TENM3: variants seen among roughly 807,000 people sequenced by gnomAD.
TENM3 encodes the protein teneurin-3.
In TENM3, 63 loss-of-function variants were observed where a neutral mutation model predicts 255.1. The observed-to-expected ratio is 0.25, with a 90% CI of 0.20 to 0.30. The LOEUF (loss-of-function observed/expected upper bound fraction) is 0.30. Ranked by LOEUF, TENM3 falls within the 10% of genes least tolerant of loss-of-function variation. The pLI, the probability that TENM3 is intolerant of heterozygous loss-of-function variation, is 1.00. For missense variants in TENM3, 2,929 were observed against 3,461.1 expected (o/e 0.85, Z 3.86); for synonymous variants, 1,306 against 1,322.3 (o/e 0.99, Z 0.27).
chr4:182,332,214 A>C (rs1048392790), intron 2 of TENM3, among the ~76,000 whole-genome samples: 3 of 152,174 alleles, frequency 2.0e-5, no homozygotes, highest in Non-Finnish European at 4.4e-5. Flanking sequence ...AAAAAGATAA[A>C]TGAAGAAAAG....
At chr4:181,840,317 G>A in the TENM3 span, among the ~76,000 whole-genome samples, 1 of 151,964 alleles carries the variant, frequency 6.6e-6, no homozygotes, top group South Asian at 2.1e-4. Flanking sequence ...TTTAATAAGC[G>A]AACATTTTAT....
intron 1 of TENM3, among the ~76,000 whole-genome samples, chr4:182,153,361 T>G (rs2149588446): frequency 6.6e-6 from 1 of 152,242 alleles, no homozygotes; most frequent in East Asian, 1.9e-4. Flanking sequence ...TGATACATCT[T>G]TAGTCATACA....
intron 1 of TENM3, among the ~76,000 whole-genome samples, chr4:182,159,989 A>G (rs1751002627): frequency 6.6e-6 from 1 of 152,200 alleles, no homozygotes; most frequent in Non-Finnish European, 1.5e-5. Flanking sequence ...ATACAGGGAC[A>G]GCATTCTAAG....
At chr4:182,475,181 C>A (rs1224038787) in intron 3 of TENM3, among the ~76,000 whole-genome samples, 2 of 152,132 alleles carry the variant, frequency 1.3e-5, no homozygotes, top group Non-Finnish European at 2.9e-5. Flanking sequence ...TGGTAGGTTA[C>A]CCCCTGGTTT....
At chr4:181,522,726 TC>T in the TENM3 span, 1 of 693,782 alleles carries the variant, frequency 1.4e-6, no homozygotes, top group African/African-American at 1.7e-5. Context: ...TAAAGGTGAA[TC>T]CTTGTTTCAT....
At chr4:182,239,546 C>G (rs1757109476), upstream of TENM3, among the ~76,000 whole-genome samples, 1 of 152,132 alleles carries the variant, frequency 6.6e-6, no homozygotes, top group Non-Finnish European at 1.5e-5. Flanking sequence ...GCTGCAAAAA[C>G]TTTGACATTG....
chr4:181,773,924 T>C, the TENM3 span, among the ~76,000 whole-genome samples: 1 of 151,994 alleles, frequency 6.6e-6, no homozygotes, highest in Non-Finnish European at 1.5e-5. Flanking sequence ...TTGAGCCTCT[T>C]TTTCAAAATT....
chr4:181,469,552 T>C, the TENM3 span, among the ~76,000 whole-genome samples: 2 of 152,188 alleles, frequency 1.3e-5, no homozygotes, highest in Non-Finnish European at 2.9e-5. Flanking sequence ...CAGTTTTGAA[T>C]GGCATTATAG....
the TENM3 span, among the ~76,000 whole-genome samples, chr4:181,559,370 A>C: frequency 1.3e-5 from 2 of 152,286 alleles, no homozygotes; most frequent in East Asian, 3.9e-4. Context: ...GACCTTTTAA[A>C]TTATGGCTTG....
the TENM3 span, among the ~76,000 whole-genome samples, chr4:181,878,288 G>T: frequency 2.0e-5 from 3 of 151,568 alleles, no homozygotes; most frequent in Non-Finnish European, 2.9e-5. Flanking sequence ...GTATAATTAG[G>T]TTGATAGAAA....
the TENM3 span, among the ~76,000 whole-genome samples, chr4:181,741,800 A>G: frequency 6.6e-6 from 1 of 152,262 alleles, no homozygotes; most frequent in Admixed American, 6.5e-5. Context: ...AGCTCAGTCT[A>G]TTCTGTTTCT....
chr4:182,499,513 C>T (rs139900885), intron 3 of TENM3, among the ~76,000 whole-genome samples: 103 of 152,222 alleles, frequency 6.8e-4, no homozygotes, highest in Non-Finnish European at 1.3e-3. Flanking sequence ...ATGGGTTTGG[C>T]TGGCAGTATA....
At chr4:182,705,782 C>T (rs1758233933) in intron 12 of TENM3, among the ~76,000 whole-genome samples, 1 of 152,198 alleles carries the variant, frequency 6.6e-6, no homozygotes, top group Non-Finnish European at 1.5e-5. Context: ...TCTCGTCCAA[C>T]ATTTGTACAT....
At chr4:181,490,980 G>A in the TENM3 span, among the ~76,000 whole-genome samples, 1 of 152,058 alleles carries the variant, frequency 6.6e-6, no homozygotes, top group African/African-American at 2.4e-5. Context: ...TTTAAAAAAT[G>A]TGTCATGCAA....
chr4:182,567,593 T>C (rs1743918946), intron 3 of TENM3, among the ~76,000 whole-genome samples: 1 of 152,094 alleles, frequency 6.6e-6, no homozygotes, highest in African/African-American at 2.4e-5. Flanking sequence ...TAACTAGGCC[T>C]TTGTACTGTC....
the TENM3 span, among the ~76,000 whole-genome samples, chr4:181,551,255 A>G: frequency 6.6e-6 from 1 of 152,180 alleles, no homozygotes; most frequent in Non-Finnish European, 1.5e-5. Context: ...AAGATCTAAT[A>G]CAAAAAACCT....
chr4:181,681,941 C>T, the TENM3 span, among the ~76,000 whole-genome samples: 1 of 152,120 alleles, frequency 6.6e-6, no homozygotes. Flanking sequence ...GTTCTAATTT[C>T]AGATGATCTC....
At chr4:182,475,602 G>A (rs999108796) in intron 3 of TENM3, among the ~76,000 whole-genome samples, 3 of 152,082 alleles carry the variant, frequency 2.0e-5, no homozygotes, top group Non-Finnish European at 4.4e-5. Context: ...TTGATACTTT[G>A]GTAGCTTGCA....
At chr4:181,910,480 A>G in the TENM3 span, among the ~76,000 whole-genome samples, 1 of 151,266 alleles carries the variant, frequency 6.6e-6, no homozygotes, top group Non-Finnish European at 1.5e-5. Context: ...GGAGGTTGCA[A>G]TGAGCCAAGA....
Sources: gnomAD v4.1 joint callset for allele counts (sites outside exome capture counted in the v4.1 genomes callset) on GRCh38, gnomAD v4.1.1 for gene constraint, MANE v1.5 for transcripts, NCBI Gene and HGNC (gene_info 2026-07-23, HGNC 2026-07-21) for gene names.